Variants in PTPRN2 observed in about 807,000 individuals in gnomAD.
The protein encoded by PTPRN2 is receptor-type tyrosine-protein phosphatase N2.
PTPRN2 carries 74 observed loss-of-function variants against 118.8 expected under a neutral mutation model. The ratio of observed to expected loss-of-function variants is 0.62; its 90% CI spans 0.52 to 0.76. The LOEUF (loss-of-function observed/expected upper bound fraction) is 0.76. Ranked by LOEUF, PTPRN2 falls within the 30% of genes least tolerant of loss-of-function variation. PTPRN2 has a pLI of 0.00. For synonymous variants in PTPRN2, 641 were observed against 608.0 expected (o/e 1.05, Z -0.80); for missense variants, 1,481 against 1,394.4 (o/e 1.06, Z -0.99).
intron 11 of PTPRN2, among the ~76,000 whole-genome samples, chr7:158,079,179 C>T (rs550795016): frequency 6.6e-6 from 1 of 152,290 alleles, no homozygotes; most frequent in African/African-American, 2.4e-5. Context: ...ACGTTCATGA[C>T]ACCATAGAAT....
intron 6 of PTPRN2, among the ~76,000 whole-genome samples, chr7:158,146,192 C>A (rs1039518778): frequency 1.3e-5 from 2 of 152,164 alleles, no homozygotes; most frequent in African/African-American, 4.8e-5. Flanking sequence ...CTCAGTCACA[C>A]AAGCTGACAG....
chr7:157,884,313 T>C (rs1326029941), intron 12 of PTPRN2, among the ~76,000 whole-genome samples: 1 of 152,228 alleles, frequency 6.6e-6, no homozygotes, highest in African/African-American at 2.4e-5. Context: ...AAACTGAAGA[T>C]ATAGGAGAAG....
intron 2 of PTPRN2, among the ~76,000 whole-genome samples, chr7:158,371,526 A>G (rs2151318042): frequency 6.6e-6 from 1 of 152,300 alleles, no homozygotes; most frequent in South Asian, 2.1e-4. Context: ...ATTTTCCTAC[A>G]CAATTAAAAT....
intron 3 of PTPRN2, among the ~76,000 whole-genome samples, chr7:158,284,748 G>A (rs566367087): frequency 3.9e-5 from 6 of 152,260 alleles, no homozygotes; most frequent in African/African-American, 9.6e-5. Flanking sequence ...TCCTCTGCCC[G>A]CATCCAATGG....
chr7:157,549,804 A>G (rs1798503228), intron 21 of PTPRN2, among the ~76,000 whole-genome samples: 1 of 152,226 alleles, frequency 6.6e-6, no homozygotes, highest in Non-Finnish European at 1.5e-5. Flanking sequence ...CCAGGATGAG[A>G]AACACAGAGA....
At position 157,550,517 on chromosome 7, in the gene PTPRN2, C is replaced by T. The variant is rs905888356; in HGVS notation, c.2903-1498G>A. Among the ~76,000 whole-genome samples the T allele has an allele frequency of 3.3e-5, 5 of 152,238 alleles. No individual in the cohort carries two copies. Among genetic ancestry groups the T allele is most frequent in the Admixed American group, 6.5e-5 (1 of 15,292 alleles). ...GAGGCCGGGCGCGAGATGACCACCC[C>T]ACCTGCCCTGCCTGGCTGGTGGGTC... is the stretch of plus-strand genomic sequence containing the variant. On this transcript the variant is annotated intron_variant, in intron 21 of 22. Transcript: ENST00000389418. The surrounding 1 kb of genome is among the most constrained non-coding windows in gnomAD (Gnocchi z 5.2).
At chr7:157,714,102 G>A (rs900561935) in intron 12 of PTPRN2, among the ~76,000 whole-genome samples, 3 of 152,302 alleles carry the variant, frequency 2.0e-5, no homozygotes, top group African/African-American at 7.2e-5. Context: ...ACTATATGAC[G>A]ATGACATTCT....
chr7:158,313,543 G>T (rs560706726), intron 3 of PTPRN2, among the ~76,000 whole-genome samples: 16 of 152,266 alleles, frequency 1.1e-4, no homozygotes, highest in African/African-American at 3.9e-4. Context: ...ATGCAGGGCT[G>T]CCTGGGACCT....
chr7:158,428,158 G>A (rs541412474), intron 2 of PTPRN2, among the ~76,000 whole-genome samples: 1 of 152,360 alleles, frequency 6.6e-6, no homozygotes, highest in African/African-American at 2.4e-5. Context: ...CTTTAAACTG[G>A]GGCCACGAAT....
At chr7:158,346,237 C>T (rs1807503182) in intron 2 of PTPRN2, among the ~76,000 whole-genome samples, 2 of 152,194 alleles carry the variant, frequency 1.3e-5, no homozygotes, top group Admixed American at 1.3e-4. Context: ...ACTGTACAAT[C>T]GAACTCAAAA....
intron 2 of PTPRN2, among the ~76,000 whole-genome samples, chr7:158,389,437 A>T (rs2878456): frequency 0.41 from 61,620 of 152,116 alleles, 14,037 homozygotes; most frequent in East Asian, 0.76. Context: ...GTGGCCCCTC[A>T]ATTAATCCTC....
intron 3 of PTPRN2, among the ~76,000 whole-genome samples, chr7:158,270,938 ACCACCCCCCCACC>A (rs1798416130): frequency 4.9e-4 from 2 of 4,118 alleles, no homozygotes; most frequent in Non-Finnish European, 8.3e-4. Context: ...CCCCACCTGG[ACCACCCCCCCACC>A]TGGACCACCC....
intron 6 of PTPRN2, among the ~76,000 whole-genome samples, chr7:158,156,124 G>A (rs1400091358): frequency 1.3e-5 from 2 of 152,178 alleles, no homozygotes; most frequent in African/African-American, 4.8e-5. Flanking sequence ...CTAATGAAAA[G>A]TGCCCATGCT....
At chr7:158,487,620 G>C (rs779677606) in intron 2 of PTPRN2, among the ~76,000 whole-genome samples, 7 of 152,186 alleles carry the variant, frequency 4.6e-5, no homozygotes, top group Non-Finnish European at 1.0e-4. Context: ...GTGAGCCAGA[G>C]GGAGAGAAAG....
intron 6 of PTPRN2, among the ~76,000 whole-genome samples, chr7:158,142,762 C>A (rs1212103926): frequency 1.3e-5 from 2 of 152,202 alleles, no homozygotes; most frequent in African/African-American, 4.8e-5. Context: ...TGCCTAAAAC[C>A]GCAGCAAAGC....
At chr7:158,071,695 TTGTGGTGGAGGTG>T (rs1563392920) in intron 11 of PTPRN2, among the ~76,000 whole-genome samples, 29 of 119,670 alleles carry the variant, frequency 2.4e-4, no homozygotes, top group African/African-American at 6.8e-4. Flanking sequence ...GTGGAGGTGC[TTGTGGTGGAGGTG>T]CTCCTGGTGG....
At chr7:157,669,783 C>T (rs549691925) in intron 13 of PTPRN2, among the ~76,000 whole-genome samples, 23 of 152,314 alleles carry the variant, frequency 1.5e-4, no homozygotes, top group Non-Finnish European at 2.6e-4. Flanking sequence ...GCGGCCTCTC[C>T]GCTCGCTCAG....
intron 14 of PTPRN2, among the ~76,000 whole-genome samples, chr7:157,624,154 C>T (rs1803428886): frequency 6.6e-6 from 1 of 152,186 alleles, no homozygotes; most frequent in Admixed American, 6.5e-5. Flanking sequence ...GGCTCGGTGG[C>T]TCACGCCTAT....
chr7:158,054,564 G>A (rs1809635306), intron 11 of PTPRN2, among the ~76,000 whole-genome samples: 1 of 152,228 alleles, frequency 6.6e-6, no homozygotes, highest in Admixed American at 6.5e-5. Flanking sequence ...ACACCTTCAG[G>A]TGGCCCATGG....
Sources: allele counts gnomAD v4.1 joint callset (sites outside exome capture counted in the v4.1 genomes callset), GRCh38; gene constraint gnomAD v4.1.1; non-coding constraint Gnocchi (gnomAD v3.1); transcripts MANE v1.5; gene names NCBI Gene and HGNC (gene_info 2026-07-23, HGNC 2026-07-21).